NEK9: variants seen among roughly 807,000 people sequenced by gnomAD.
The protein encoded by NEK9 is serine/threonine-protein kinase Nek9.
Under a neutral mutation model 123.4 loss-of-function variants are expected in NEK9, and 75 were observed. The observed-to-expected ratio is 0.61, with a 90% CI of 0.50 to 0.74. The LOEUF (loss-of-function observed/expected upper bound fraction) is 0.74. Ranked by LOEUF, NEK9 falls within the 30% of genes least tolerant of loss-of-function variation. NEK9 has a pLI of 0.00. For synonymous variants in NEK9, 438 were observed against 458.7 expected, an observed-to-expected ratio of 0.95 and a Z score of 0.58; for missense variants, 952 against 1,214.4, an observed-to-expected ratio of 0.78 and a Z score of 3.21.
At chr14:75,095,949 G>A (rs547850266) in intron 17 of NEK9, among the ~76,000 whole-genome samples, 1 of 152,274 alleles carries the variant, frequency 6.6e-6, no homozygotes, top group South Asian at 2.1e-4. Flanking sequence ...CAGAGATTCT[G>A]ATTTAATTGG....
At chr14:75,085,957 G>A (rs1200704646) in intron 21 of NEK9, among the ~76,000 whole-genome samples, 3 of 152,032 alleles carry the variant, frequency 2.0e-5, no homozygotes, top group Non-Finnish European at 2.9e-5. Context: ...CTGGGAGGCC[G>A]AGGCAGGTGG....
Position 75,127,043 on chromosome 14 carries a change from G to A in NEK9, c.-122C>T. On this transcript the variant is annotated 5_prime_UTR_variant, in exon 1 of 22. Transcript: ENST00000238616. ...TCAGCCCAGCAACCCCGCGAAGCTC[G>A]ATGGTGGCTCCTGCCCCCCGACCCG... 1 of 752,228 alleles carries A rather than the reference G, an allele frequency of 1.3e-6. No individual in the cohort carries two copies. Among genetic ancestry groups the A allele is most frequent in the African/African-American group, 1.9e-5 (1 of 53,114 alleles). The allele number at this position is 752,228 out of a possible 1,614,324, so 46.6% of individuals were successfully genotyped here. A position where few individuals can be genotyped will look rare whatever the true frequency, so the allele number is the denominator to read the frequency against.
At chr14:75,118,775 T>C (rs1298306438) in intron 5 of NEK9, 55 bp downstream of exon 5, 2 of 1,007,068 alleles carry the variant, frequency 2.0e-6, no homozygotes, top group Admixed American at 1.9e-5. Flanking sequence ...GGAGTACAGT[T>C]ATATTTCACA....
intron 11 of NEK9, 30 bp from the exon 12 acceptor site, chr14:75,106,732 A>G: frequency 1.9e-6 from 3 of 1,573,602 alleles, no homozygotes; most frequent in African/African-American, 1.4e-5. Context: ...AGAATCCATC[A>G]AAGGACTGAC....
rs1467087071 is a variant in NEK9, at chr14:75,087,139, A to G, written c.2696T>C (p.Val899Ala). ...ACACSSLQVE[V>A]ERLQGLVLKC... ...TAACACCAGACCCTGCAATCTCTCAACCTCCACCTGCAGAGAGCTGCACGC... is the reference window on the plus strand; with the variant it reads ...TAACACCAGACCCTGCAATCTCTCAGCCTCCACCTGCAGAGAGCTGCACGC... Residue 899 changes from valine (V) to alanine (A), a missense_variant, in exon 21 of 22, where the codon GTT (valine) becomes GCT (alanine). Around this residue, in one of 4 missense-constraint regions of NEK9, gnomAD observed 698 missense variants for 875.6 expected, o/e 0.80. Coordinates refer to ENST00000238616, the MANE Select transcript of NEK9 (RefSeq NM_033116.6). The G allele has an allele frequency of 6.2e-7, 1 of 1,613,994 alleles. No individual in the cohort carries two copies. The highest frequency in any genetic ancestry group is 8.5e-7 in the Non-Finnish European group (1 of 1,180,010).
intron 5 of NEK9, 25 bp from the exon 6 acceptor site, chr14:75,117,351 G>A (rs1186525698): frequency 6.3e-7 from 1 of 1,586,202 alleles, no homozygotes; most frequent in Non-Finnish European, 8.5e-7. Flanking sequence ...AACAATCAAA[G>A]AATAACTTCT....
intron 6 of NEK9, among the ~76,000 whole-genome samples, chr14:75,115,008 T>C (rs1895082642): frequency 6.6e-6 from 1 of 151,310 alleles, no homozygotes; most frequent in Non-Finnish European, 1.5e-5. Context: ...CACATACATA[T>C]ACACACACAT....
At chr14:75,115,018 T>C (rs550634838) in intron 6 of NEK9, among the ~76,000 whole-genome samples, 25 of 150,442 alleles carry the variant, frequency 1.7e-4, no homozygotes, top group Admixed American at 7.9e-4. Context: ...TACACACACA[T>C]ATATGTGTAT....
rs1893853319 is a variant in NEK9, at chr14:75,080,935, C to G, written c.*3629G>C. The G allele has an allele frequency of 7.0e-6, 1 of 142,384 alleles. No individual in the cohort carries two copies. The highest frequency in any genetic ancestry group is 1.5e-5 in the Non-Finnish European group (1 of 65,556). The allele number at this position is 142,384 out of a possible 1,614,324, so 8.8% of individuals were successfully genotyped here. A position where few individuals can be genotyped will look rare whatever the true frequency, so the allele number is the denominator to read the frequency against. On this transcript the variant is annotated 3_prime_UTR_variant, in exon 22 of 22. Transcript: ENST00000238616. Reference sequence around the variant, plus strand: ...GCGTGAGCCACCGCGCCTGTCCTGCCAAGACAGTATTTTTTTTTTTATTTT... The same window carrying G: ...GCGTGAGCCACCGCGCCTGTCCTGCGAAGACAGTATTTTTTTTTTTATTTT...
At chr14:75,112,440 G>A (rs1443701622) in intron 8 of NEK9, among the ~76,000 whole-genome samples, 1 of 152,230 alleles carries the variant, frequency 6.6e-6, no homozygotes, top group Non-Finnish European at 1.5e-5. Flanking sequence ...CCTCTGAGGA[G>A]TCAATAAAAC....
chr14:75,102,054 T>C (rs1894601743), intron 14 of NEK9, among the ~76,000 whole-genome samples: 1 of 152,200 alleles, frequency 6.6e-6, no homozygotes, highest in Non-Finnish European at 1.5e-5. Flanking sequence ...GGTATTTATA[T>C]AAGGAGAGAA....
chr14:75,097,093 C>A lies in NEK9; in HGVS notation c.2173+7G>T, dbSNP rs750317962. On this transcript the variant is annotated splice_region_variant and intron_variant, in intron 17 of 21. Transcript: ENST00000238616. ...CCATCCCAACCCCAGACATATGAAA[C>A]TCTTACCAACGATGAGAATGGTATG... is the stretch of plus-strand genomic sequence containing the variant. The A allele has an allele frequency of 2.5e-6, 4 of 1,597,276 alleles. No individual in the cohort carries two copies. Among genetic ancestry groups the A allele is most frequent in the Middle Eastern group, 1.7e-4 (1 of 5,960 alleles).
Position 75,114,311 on chromosome 14 carries a change from G to T in NEK9, c.765C>A (p.Asn255Lys). ...LTLKRTFDAT[N>K]PLNLCVKIVQ... ...CGATCTTCACACACAGGTTAAGTGG[G>T]TTCTATGAGAAAATGATGACTGCAT... The change falls in exon 7 of 22, where the codon AAC becomes AAA. Residue 255 changes from asparagine (N) to lysine (K), a missense_variant and splice_region_variant. Physicochemically the swap from Asn to Lys is moderately conservative, Grantham distance 94 (BLOSUM62 0). Transcript: ENST00000238616. The T allele has an allele frequency of 6.2e-7, 1 of 1,611,866 alleles. No individual in the cohort carries two copies. The highest frequency in any genetic ancestry group is 8.5e-7 in the Non-Finnish European group (1 of 1,177,996).
rs1289467801 is a variant in NEK9 at position 75,124,047 on chromosome 14, A to G, written c.396T>C (p.Asn132=). The change falls in exon 2 of 22, where the codon AAT becomes AAC. Residue 132 remains asparagine, a splice_region_variant and synonymous_variant. Coordinates refer to ENST00000238616, the MANE Select transcript of NEK9 (RefSeq NM_033116.6). ...AAGTCCCACTGAACTCTATCTTACC[A>G]TTACAATATTCCAGCTCAATCAGCA... The part of the protein sequence containing the change: ...TTLLIELEYC[N]GGNLYDKILR... 6.2e-7 allele frequency: 1 copy of G among 1,610,750 alleles called. No homozygotes were observed.
Position 75,087,108 on chromosome 14 carries a change from A to G in NEK9, c.2727T>C (p.Cys909=). The G allele has an allele frequency of 1.2e-6, 2 of 1,614,170 alleles. No homozygotes were observed. Among genetic ancestry groups the G allele is most frequent in the Non-Finnish European group, 1.7e-6 (2 of 1,180,036 alleles). ...VERLQGLVLK[C]LAEQQKLQQE... ...GCTGTAGCTTCTGTTGTTCAGCCAG[A>G]CACTTTAACACCAGACCCTGCAATC... The change falls in exon 21 of 22, where the codon TGT becomes TGC. Residue 909 remains cysteine, a synonymous_variant. Transcript: ENST00000238616.
At position 75,107,204 on chromosome 14, in the gene NEK9, TTAA is replaced by T. The variant is rs1376303604; in HGVS notation, c.1327+136_1327+138del. On this transcript the variant is annotated intron_variant, in intron 11 of 21. Coordinates refer to ENST00000238616, the MANE Select transcript of NEK9 (RefSeq NM_033116.6). ...CTATAGCAAATTTGGTATGTTATTATTAATGAGTATATTTGCTCAAGGTCCTCT... is the reference window on the plus strand; with the variant it reads ...CTATAGCAAATTTGGTATGTTATTATTGAGTATATTTGCTCAAGGTCCTCT... 7 of 822,790 alleles carry T rather than the reference TTAA, an allele frequency of 8.5e-6. No homozygotes were observed. The South Asian group carries it at 9.3e-5, about 11-fold the overall frequency. 51.0% of individuals were successfully genotyped at this position (822,790 alleles called of 1,614,324 possible).
chr14:75,110,517 A>G (rs1894926716), intron 8 of NEK9, 146 bp from the exon 9 acceptor site: 2 of 625,678 alleles, frequency 3.2e-6, no homozygotes, highest in Non-Finnish European at 5.6e-6. Context: ...AAGTACCTCA[A>G]TACAACTCAA....
At chr14:75,105,640 G>A (rs909760980) in intron 13 of NEK9, among the ~76,000 whole-genome samples, 3 of 152,200 alleles carry the variant, frequency 2.0e-5, no homozygotes, top group African/African-American at 7.2e-5. Flanking sequence ...GTATCTTCTC[G>A]AGTTTTCCAG....
chr14:75,086,819 T>C (rs1894039248), intron 21 of NEK9, 199 bp downstream of exon 21: 1 of 535,664 alleles, frequency 1.9e-6, no homozygotes, highest in Non-Finnish European at 3.4e-6. Flanking sequence ...GGCAGGAGAA[T>C]TGCTTGAATC....
Sources: gnomAD v4.1 joint callset for allele counts (sites outside exome capture counted in the v4.1 genomes callset) on GRCh38, gnomAD v4.1.1 for gene constraint, gnomAD v4.1.1 regional missense constraint, MANE v1.5 for transcripts, NCBI Gene and HGNC (gene_info 2026-07-23, HGNC 2026-07-21) for gene names.